CALN1: variants seen among roughly 807,000 people sequenced by gnomAD.
CALN1 encodes the protein calcium-binding protein 8.
CALN1 carries 17 observed loss-of-function variants against 30.6 expected under a neutral mutation model. The ratio of observed to expected loss-of-function variants is 0.56; its 90% CI spans 0.38 to 0.83. CALN1 has a LOEUF of 0.83. Ranked by LOEUF, CALN1 falls within the 40% of genes least tolerant of loss-of-function variation. CALN1 has a pLI of 0.00. For missense variants in CALN1, 291 were observed against 354.9 expected (o/e 0.82, Z 1.45); for synonymous variants, 156 against 131.4 (o/e 1.19, Z -1.28).
At chr7:71,815,064 A>G (rs528617234) in intron 5 of CALN1, among the ~76,000 whole-genome samples, 1 of 152,050 alleles carries the variant, frequency 6.6e-6, no homozygotes, top group Non-Finnish European at 1.5e-5. Flanking sequence ...GGATCTCCTG[A>G]CCCTGTGATC....
At chr7:72,209,530 CCCTCTCTCCGCCCTCCGTTCCT>C (rs1792230232) in intron 3 of CALN1, among the ~76,000 whole-genome samples, 1 of 95,122 alleles carries the variant, frequency 1.1e-5, no homozygotes, top group African/African-American at 3.4e-5. Context: ...TTCCTTCCCT[CCCTCTCTCCGCCCTCCGTTCCT>C]CCCTCTCTCC....
Position 72,054,412 on chromosome 7 carries a change from TATATAC to T in CALN1, c.389-30649_389-30644del, listed in dbSNP as rs1358365960. 9.7e-4 allele frequency among the ~76,000 whole-genome samples: 99 copies of T among 101,798 alleles called. 4 individuals carry two copies. In the East Asian group the frequency reaches 0.037, roughly 38 times the overall value. The allele number at this position is 101,798 out of a possible 152,430, so 66.8% of individuals were successfully genotyped here. ...GGCTGCATATATGTACATATATATA[TATATAC>T]GTGTATATATACACGTATATATATA... On this transcript the variant is annotated intron_variant, in intron 4 of 6. Coordinates refer to ENST00000395275, the MANE Select transcript of CALN1 (RefSeq NM_031468.4).
intron 3 of CALN1, among the ~76,000 whole-genome samples, chr7:72,144,730 A>T (rs1468744071): frequency 3.3e-5 from 5 of 152,152 alleles, no homozygotes; most frequent in Non-Finnish European, 7.4e-5. Context: ...GAAGTAAAGC[A>T]CTCCTCAGCA....
intron 1 of CALN1, among the ~76,000 whole-genome samples, chr7:72,428,923 C>T (rs546479557): frequency 1.3e-5 from 2 of 152,194 alleles, no homozygotes; most frequent in Non-Finnish European, 2.9e-5. Flanking sequence ...TATCAAACCT[C>T]TGGTTGACCC....
chr7:71,922,462 C>T (rs1366525458), intron 5 of CALN1, among the ~76,000 whole-genome samples: 11 of 143,962 alleles, frequency 7.6e-5, no homozygotes, highest in Admixed American at 1.4e-4. Context: ...TTTATATTTA[C>T]ATATAAATAT....
At chr7:72,214,663 C>A (rs1179640744) in intron 3 of CALN1, among the ~76,000 whole-genome samples, 1 of 151,950 alleles carries the variant, frequency 6.6e-6, no homozygotes, top group Non-Finnish European at 1.5e-5. Context: ...GGGTCCCCAA[C>A]CACCAGGCAG....
intron 2 of CALN1, among the ~76,000 whole-genome samples, chr7:72,359,544 C>A (rs534219109): frequency 1.3e-5 from 2 of 152,250 alleles, no homozygotes; most frequent in South Asian, 4.1e-4. Context: ...GATATGCAGG[C>A]ACCACGTGCC....
At chr7:71,898,018 G>T (rs10229704) in intron 5 of CALN1, among the ~76,000 whole-genome samples, 4 of 80,934 alleles carry the variant, frequency 4.9e-5, no homozygotes, top group Non-Finnish European at 9.4e-5. Context: ...GGAGGGGGGG[G>T]GAGAGAGAGA....
At chr7:71,953,637 T>C (rs1198358907) in intron 5 of CALN1, among the ~76,000 whole-genome samples, 10 of 152,040 alleles carry the variant, frequency 6.6e-5, no homozygotes, top group African/African-American at 2.2e-4. Flanking sequence ...TGTGTAAAAG[T>C]GTTTTGAATA....
intron 6 of CALN1, among the ~76,000 whole-genome samples, chr7:71,797,508 G>C (rs1169579971): frequency 6.6e-6 from 1 of 152,144 alleles, no homozygotes; most frequent in Non-Finnish European, 1.5e-5. Context: ...GGAAGAGCTG[G>C]AGGATGTGGC....
chr7:72,045,122 C>G lies in CALN1; in HGVS notation c.389-21353G>C, dbSNP rs373247815. ...GGTCCTAGAAGCTGAAGATAGTCAT[C>G]CATTTGAATGAATCTGGGGAAACGT... On this transcript the variant is annotated intron_variant, in intron 4 of 6. Coordinates refer to ENST00000395275, the MANE Select transcript of CALN1 (RefSeq NM_031468.4). Among the ~76,000 whole-genome samples the G allele has an allele frequency of 1.2e-4, 19 of 152,346 alleles. No individual in the cohort carries two copies. The East Asian group carries it at 3.7e-3, about 29-fold the overall frequency.
Position 72,318,704 on chromosome 7 carries a change from C to CT in CALN1, c.120-39895dup, listed in dbSNP as rs71069057. On this transcript the variant is annotated intron_variant, in intron 2 of 6. Transcript: ENST00000395275. The stretch of plus-strand genomic sequence containing the variant: ...CACAGGCATGCACCACCATGTGTAG[C>CT]TTTTTTTTTTTTTTTTTTTTTTTTT... Among the ~76,000 whole-genome samples the CT allele has an allele frequency of 6.8e-3, 487 of 72,020 alleles. 66 individuals carry two copies. The highest frequency in any genetic ancestry group is 8.8e-3 in the East Asian group (15 of 1,708). The allele number at this position is 72,020 out of a possible 152,430, so 47.2% of individuals were successfully genotyped here.
chr7:72,183,604 G>C (rs1484389170), intron 3 of CALN1, among the ~76,000 whole-genome samples: 1 of 152,190 alleles, frequency 6.6e-6, no homozygotes, highest in Non-Finnish European at 1.5e-5. Context: ...AATTCCATTT[G>C]CTAACTAGCC....
chr7:72,281,670 G>C (rs1460001122), intron 2 of CALN1, among the ~76,000 whole-genome samples: 1 of 152,140 alleles, frequency 6.6e-6, no homozygotes, highest in Non-Finnish European at 1.5e-5. Flanking sequence ...ACCCACTAAG[G>C]TCGGTACAAA....
At chr7:72,167,473 T>C (rs1788608575) in intron 3 of CALN1, among the ~76,000 whole-genome samples, 1 of 152,120 alleles carries the variant, frequency 6.6e-6, no homozygotes, top group Non-Finnish European at 1.5e-5. Flanking sequence ...GCCTTCCCAG[T>C]AGCTGGGACT....
intron 5 of CALN1, among the ~76,000 whole-genome samples, chr7:71,870,148 C>T (rs914325562): frequency 1.3e-5 from 2 of 152,074 alleles, no homozygotes; most frequent in Non-Finnish European, 2.9e-5. Flanking sequence ...TTTGGGAGTC[C>T]GAGGTGGGCC....
At chr7:72,341,671 G>A (rs1802392519) in intron 2 of CALN1, among the ~76,000 whole-genome samples, 1 of 152,182 alleles carries the variant, frequency 6.6e-6, no homozygotes, top group African/African-American at 2.4e-5. Context: ...CTTCCTGCCT[G>A]CGTAAATTTG....
chr7:71,854,012 C>G (rs1790796561), intron 5 of CALN1, among the ~76,000 whole-genome samples: 1 of 152,072 alleles, frequency 6.6e-6, no homozygotes, highest in Admixed American at 6.6e-5. Context: ...CCACATATTT[C>G]TATGCTTTTG....
At chr7:71,817,539 G>A (rs1253943745) in intron 5 of CALN1, among the ~76,000 whole-genome samples, 3 of 152,034 alleles carry the variant, frequency 2.0e-5, no homozygotes, top group African/African-American at 2.4e-5. Context: ...TTTTTGAGAC[G>A]GAGTCTCGCT....
Sources: gnomAD v4.1 joint callset for allele counts (sites outside exome capture counted in the v4.1 genomes callset) on GRCh38, gnomAD v4.1.1 for gene constraint, MANE v1.5 for transcripts, NCBI Gene and HGNC (gene_info 2026-07-23, HGNC 2026-07-21) for gene names.